Variants in INPP4B observed in about 807,000 individuals in gnomAD.
The protein encoded by INPP4B is inositol polyphosphate 4-phosphatase type II.
INPP4B carries 55 observed loss-of-function variants against 122.5 expected under a neutral mutation model. That is an observed-to-expected ratio of 0.45 (90% CI 0.36 to 0.56). INPP4B has a LOEUF of 0.56. INPP4B is among the 20% of genes least tolerant of loss of function. INPP4B has a pLI of 0.00. For missense variants in INPP4B, 1,000 were observed against 1,097.7 expected (o/e 0.91, Z 1.26); for synonymous variants, 403 against 388.7 (o/e 1.04, Z -0.43).
chr4:142,089,585 T>C (rs1778530218), intron 23 of INPP4B, among the ~76,000 whole-genome samples: 1 of 152,026 alleles, frequency 6.6e-6, no homozygotes, highest in Non-Finnish European at 1.5e-5. Context: ...CATCATCAAA[T>C]TGTATGCCTT....
At chr4:142,142,618 G>A (rs1808455462) in intron 18 of INPP4B, among the ~76,000 whole-genome samples, 1 of 152,000 alleles carries the variant, frequency 6.6e-6, no homozygotes, top group Admixed American at 6.6e-5. Context: ...AAATAAGAAA[G>A]TAAGGGAGTA....
At position 142,537,006 on chromosome 4, in the gene INPP4B, A is replaced by G. The variant is rs535771514; in HGVS notation, c.-190-74280T>C. Among the ~76,000 whole-genome samples the G allele has an allele frequency of 3.0e-4, 46 of 152,112 alleles. No individual in the cohort carries two copies. In the East Asian group the frequency reaches 6.4e-3, roughly 21 times the overall value. On this transcript the variant is annotated intron_variant, in intron 2 of 25. Coordinates refer to ENST00000262992, the MANE Select transcript of INPP4B (RefSeq NM_001101669.3). ...GAGACAGGGTTTCACCATGTTGGCC[A>G]GGATGGTCTTGATCTCTTGACCTTG... is the stretch of plus-strand genomic sequence containing the variant.
At chr4:142,675,411 A>T (rs1021703580) in intron 2 of INPP4B, among the ~76,000 whole-genome samples, 15 of 152,208 alleles carry the variant, frequency 9.9e-5, no homozygotes, top group African/African-American at 3.4e-4. Context: ...TCTGATTTCT[A>T]CCACAGGTAC....
chr4:142,626,547 T>A (rs79298481), intron 2 of INPP4B, among the ~76,000 whole-genome samples: 2 of 151,984 alleles, frequency 1.3e-5, no homozygotes, highest in African/African-American at 4.8e-5. Flanking sequence ...TGATGTGAAC[T>A]TGGAAAAGGG....
rs537618412 is a variant in INPP4B, at chr4:142,634,521, G to T, written c.-191+91318C>A. On this transcript the variant is annotated intron_variant, in intron 2 of 25. Transcript: ENST00000262992. ...CAAGTTCAACCAAGGAATGCAAGGT[G>T]AGCTTAACATGTAAAAATTAACATT... Among the ~76,000 whole-genome samples the T allele has an allele frequency of 1.8e-4, 28 of 152,220 alleles. No individual in the cohort carries two copies. The South Asian group carries it at 4.3e-3, about 24-fold the overall frequency.
At chr4:142,354,763 G>GA (rs1783024276) in intron 7 of INPP4B, among the ~76,000 whole-genome samples, 1 of 152,030 alleles carries the variant, frequency 6.6e-6, no homozygotes, top group African/African-American at 2.4e-5. Flanking sequence ...GGGGAAAGGT[G>GA]AATGGAAAAT....
At chr4:142,696,680 A>G (rs935662128) in intron 2 of INPP4B, among the ~76,000 whole-genome samples, 1 of 152,066 alleles carries the variant, frequency 6.6e-6, no homozygotes, top group Non-Finnish European at 1.5e-5. Context: ...TTGTTCTCCA[A>G]ACATTTCAAA....
intron 11 of INPP4B, among the ~76,000 whole-genome samples, chr4:142,250,974 A>G (rs1353225189): frequency 6.6e-6 from 1 of 152,204 alleles, no homozygotes; most frequent in Non-Finnish European, 1.5e-5. Context: ...TCATATTACA[A>G]TTTATATGTA....
chr4:142,127,776 C>T (rs1442460364), intron 18 of INPP4B, among the ~76,000 whole-genome samples: 1 of 152,076 alleles, frequency 6.6e-6, no homozygotes, highest in African/African-American at 2.4e-5. Flanking sequence ...GCTAAAAATA[C>T]ATTTTTTTTC....
chr4:142,759,037 G>A (rs956935077), intron 1 of INPP4B, among the ~76,000 whole-genome samples: 1 of 151,824 alleles, frequency 6.6e-6, no homozygotes, highest in African/African-American at 2.4e-5. Context: ...ACTACTATGT[G>A]ACTGTCTCTT....
intron 23 of INPP4B, among the ~76,000 whole-genome samples, chr4:142,089,930 C>G (rs1436743032): frequency 6.6e-6 from 1 of 152,132 alleles, no homozygotes; most frequent in Non-Finnish European, 1.5e-5. Flanking sequence ...GGAGTCAAGG[C>G]TAAAACTTTG....
chr4:142,587,646 T>C (rs530172127), intron 2 of INPP4B, among the ~76,000 whole-genome samples: 1 of 152,246 alleles, frequency 6.6e-6, no homozygotes, highest in East Asian at 1.9e-4. Flanking sequence ...AAATTGGATG[T>C]CCATCACCTC....
chr4:142,701,964 T>A (rs1292149481), intron 2 of INPP4B, among the ~76,000 whole-genome samples: 1 of 152,216 alleles, frequency 6.6e-6, no homozygotes, highest in Non-Finnish European at 1.5e-5. Flanking sequence ...TTACATATTA[T>A]GAGAGTTCAA....
At chr4:142,625,233 C>A (rs1475908797) in intron 2 of INPP4B, among the ~76,000 whole-genome samples, 3 of 151,894 alleles carry the variant, frequency 2.0e-5, no homozygotes, top group Admixed American at 6.6e-5. Flanking sequence ...CTAGAAAACC[C>A]CATTGTCTCA....
chr4:142,803,659 AAAC>A (rs1285458926), intron 1 of INPP4B, among the ~76,000 whole-genome samples: 36 of 150,316 alleles, frequency 2.4e-4, no homozygotes, highest in African/African-American at 6.7e-4. Flanking sequence ...TAAAAAAAAA[AAAC>A]AAAAACAAAG....
At chr4:142,046,554 CAT>C (rs1407436727) in intron 25 of INPP4B, among the ~76,000 whole-genome samples, 1 of 152,022 alleles carries the variant, frequency 6.6e-6, no homozygotes, top group East Asian at 1.9e-4. Flanking sequence ...AAACTAAAGA[CAT>C]ATGCAGGGAC....
chr4:142,171,419 T>C (rs1445691314), intron 16 of INPP4B, among the ~76,000 whole-genome samples: 1 of 151,858 alleles, frequency 6.6e-6, no homozygotes, highest in Non-Finnish European at 1.5e-5. Flanking sequence ...CTCCATGAAG[T>C]AAACGTTTTT....
chr4:142,095,882 T>C (rs1021301621), intron 23 of INPP4B, among the ~76,000 whole-genome samples: 4 of 152,200 alleles, frequency 2.6e-5, no homozygotes, highest in Non-Finnish European at 5.9e-5. Context: ...ACCACAATTA[T>C]CGTCTTAACC....
chr4:142,683,286 A>G (rs1177952464), intron 2 of INPP4B, among the ~76,000 whole-genome samples: 1 of 151,978 alleles, frequency 6.6e-6, no homozygotes, highest in Admixed American at 6.6e-5. Flanking sequence ...AGAGCACAAA[A>G]CAGGAATTTT....
Sources: allele counts gnomAD v4.1 joint callset (sites outside exome capture counted in the v4.1 genomes callset), GRCh38; gene constraint gnomAD v4.1.1; transcripts MANE v1.5; gene names NCBI Gene and HGNC (gene_info 2026-07-23, HGNC 2026-07-21).